TRAF3: variants seen among roughly 807,000 people sequenced by gnomAD.
TRAF3 encodes the protein TNF receptor-associated factor 3.
A neutral mutation model predicts 62.3 loss-of-function variants in TRAF3; 13 were observed. The ratio of observed to expected loss-of-function variants is 0.21; its 90% CI spans 0.14 to 0.33. The LOEUF (loss-of-function observed/expected upper bound fraction) is 0.33. TRAF3 is among the 10% of genes least tolerant of loss of function. The pLI, the probability that TRAF3 is intolerant of heterozygous loss-of-function variation, is 1.00. For missense variants in TRAF3, 440 were observed against 741.8 expected (o/e 0.59, Z 4.73); for synonymous variants, 269 against 283.4 (o/e 0.95, Z 0.51).
At chr14:102,892,288 C>A (rs1889766741) in intron 9 of TRAF3, among the ~76,000 whole-genome samples, 1 of 152,176 alleles carries the variant, frequency 6.6e-6, no homozygotes, top group South Asian at 2.1e-4. Context: ...AAACTCCCGA[C>A]CTCAGGTGAT....
chr14:102,873,394 G>T (rs772846617), intron 4 of TRAF3, among the ~76,000 whole-genome samples: 2 of 152,204 alleles, frequency 1.3e-5, no homozygotes, highest in Non-Finnish European at 2.9e-5. Flanking sequence ...GTACTCGGCC[G>T]CCTTGTTAAC....
chr14:102,867,882 G>A (rs1888097522), intron 2 of TRAF3, among the ~76,000 whole-genome samples: 2 of 152,212 alleles, frequency 1.3e-5, no homozygotes, highest in South Asian at 2.1e-4. Context: ...GTTCTATGAA[G>A]CTAACCCAAG....
chr14:102,801,484 G>A (rs1428242947), intron 1 of TRAF3, among the ~76,000 whole-genome samples: 2 of 152,080 alleles, frequency 1.3e-5, no homozygotes, highest in Non-Finnish European at 2.9e-5. Context: ...TAGTGTGTTG[G>A]TATGTGTAGA....
At chr14:102,802,196 C>T (rs1898476332) in intron 1 of TRAF3, among the ~76,000 whole-genome samples, 1 of 127,420 alleles carries the variant, frequency 7.8e-6, no homozygotes, top group Non-Finnish European at 1.6e-5. Context: ...TCTCTGTCGC[C>T]CAGGCTGGAG....
At chr14:102,827,363 C>T (rs1215142833) in intron 1 of TRAF3, among the ~76,000 whole-genome samples, 1 of 152,200 alleles carries the variant, frequency 6.6e-6, no homozygotes, top group African/African-American at 2.4e-5. Flanking sequence ...AGAAGTGTTT[C>T]AGATTCTGAT....
intron 2 of TRAF3, among the ~76,000 whole-genome samples, chr14:102,854,801 GT>G (rs35634271): frequency 0.56 from 76,320 of 136,774 alleles, 20,706 homozygotes; most frequent in African/African-American, 0.64. Flanking sequence ...GCACCTGGCT[GT>G]TTTTTTTTTT....
chr14:102,896,220 C>T (rs560520663), intron 9 of TRAF3, among the ~76,000 whole-genome samples: 4 of 152,306 alleles, frequency 2.6e-5, no homozygotes, highest in African/African-American at 7.2e-5. Flanking sequence ...ATCACAGTCA[C>T]CATGCTGTTC....
intron 1 of TRAF3, among the ~76,000 whole-genome samples, chr14:102,811,662 ACT>A (rs1053312734): frequency 2.2e-5 from 3 of 134,316 alleles, no homozygotes; most frequent in African/African-American, 8.5e-5. Context: ...TCTCAATTTG[ACT>A]CTCAGTTTGA....
At chr14:102,821,738 G>GAAC (rs1334087908) in intron 1 of TRAF3, among the ~76,000 whole-genome samples, 2 of 152,148 alleles carry the variant, frequency 1.3e-5, no homozygotes, top group Non-Finnish European at 2.9e-5. Flanking sequence ...TCCAAGTGTG[G>GAAC]CCTTTAAATA....
At position 102,839,210 on chromosome 14, in the gene TRAF3, C is replaced by CCTTTTTT. The variant is rs1310697452; in HGVS notation, c.-18+8738_-18+8739insCTTTTTT. The stretch of plus-strand genomic sequence containing the variant: ...GAGAGATGCTTATTGGTTGATTTGC[C>CCTTTTTT]TTTTTTTTTTTTTTTTTTTTTTTTT... On this transcript the variant is annotated intron_variant, in intron 2 of 11. Transcript: ENST00000392745. Among the ~76,000 whole-genome samples the CCTTTTTT allele has an allele frequency of 1.1e-4, 10 of 89,832 alleles. 1 individual carries two copies. The highest frequency in any genetic ancestry group is 3.5e-4 in the African/African-American group (8 of 22,586). 58.9% of individuals were successfully genotyped at this position (89,832 alleles called of 152,430 possible). A position where few individuals can be genotyped will look rare whatever the true frequency, so the allele number is the denominator to read the frequency against.
At chr14:102,819,482 C>T (rs1204563045) in intron 1 of TRAF3, among the ~76,000 whole-genome samples, 1 of 152,232 alleles carries the variant, frequency 6.6e-6, no homozygotes, top group East Asian at 1.9e-4. Context: ...GATGTGTGCA[C>T]ATCGCTCAGC....
intron 1 of TRAF3, among the ~76,000 whole-genome samples, chr14:102,791,966 C>A (rs1263827555): frequency 2.0e-5 from 3 of 151,974 alleles, no homozygotes; most frequent in Non-Finnish European, 4.4e-5. Flanking sequence ...GCACATGCCA[C>A]AATGCCCTGC....
intron 3 of TRAF3, among the ~76,000 whole-genome samples, chr14:102,871,469 C>A (rs1888339100): frequency 6.6e-6 from 1 of 152,178 alleles, no homozygotes; most frequent in African/African-American, 2.4e-5. Context: ...GGGAGGGAGG[C>A]TGGTCCCCCT....
intron 1 of TRAF3, among the ~76,000 whole-genome samples, chr14:102,789,236 C>T (rs548140563): frequency 3.3e-5 from 5 of 152,278 alleles, no homozygotes; most frequent in Admixed American, 1.3e-4. Flanking sequence ...ATTGTATGTA[C>T]ATACATGCCA....
chr14:102,839,487 T>C (rs1886246239), intron 2 of TRAF3, among the ~76,000 whole-genome samples: 1 of 152,204 alleles, frequency 6.6e-6, no homozygotes, highest in Non-Finnish European at 1.5e-5. Flanking sequence ...CCCAAAGTGC[T>C]GGGATTACAG....
At chr14:102,827,982 G>A (rs1309288239) in intron 1 of TRAF3, among the ~76,000 whole-genome samples, 1 of 152,260 alleles carries the variant, frequency 6.6e-6, no homozygotes, top group Non-Finnish European at 1.5e-5. Context: ...AGCAGCAGAT[G>A]TGCAGATTCC....
chr14:102,910,210 AATTT>A lies in TRAF3; in HGVS notation c.*4427_*4430del, dbSNP rs1890793256. On this transcript the variant is annotated 3_prime_UTR_variant, in exon 12 of 12. Coordinates refer to ENST00000392745, the MANE Select transcript of TRAF3 (RefSeq NM_145725.3). ...CCAGACTCCTCCCTCTACTGGGGGT[AATTT>A]GTGTGTCAGAAGGGCTCTGGCAGAG... is the stretch of plus-strand genomic sequence containing the variant. The A allele has an allele frequency of 6.6e-6, 1 of 152,172 alleles. No homozygotes were observed. Among genetic ancestry groups the A allele is most frequent in the Admixed American group, 6.5e-5 (1 of 15,274 alleles). 9.4% of individuals were successfully genotyped at this position (152,172 alleles called of 1,614,324 possible). A position where few individuals can be genotyped will look rare whatever the true frequency, so the allele number is the denominator to read the frequency against.
At chr14:102,872,004 G>A in intron 4 of TRAF3, 36 bp downstream of exon 4, 1 of 1,599,990 alleles carries the variant, frequency 6.3e-7, no homozygotes, top group Non-Finnish European at 8.6e-7. Context: ...TTTGTCACAT[G>A]TTTTCAGCTG....
rs7141661 is a variant in TRAF3, at chr14:102,864,423, C to T, written c.-17-5762C>T. ...TCGGCCTCCCAAAGTGCTGGGATTA[C>T]AGGTGTGAGCCACCGCGCCCGGCCT... On this transcript the variant is annotated intron_variant, in intron 2 of 11. Coordinates refer to ENST00000392745, the MANE Select transcript of TRAF3 (RefSeq NM_145725.3). 5.8e-3 allele frequency among the ~76,000 whole-genome samples: 882 copies of T among 152,274 alleles called. 13 individuals carry two copies. The highest frequency in any genetic ancestry group is 0.02 in the African/African-American group (838 of 41,558).
Sources: gnomAD v4.1 joint callset for allele counts (sites outside exome capture counted in the v4.1 genomes callset) on GRCh38, gnomAD v4.1.1 for gene constraint, MANE v1.5 for transcripts, NCBI Gene and HGNC (gene_info 2026-07-23, HGNC 2026-07-21) for gene names.